Variants in MAF observed in about 807,000 individuals in gnomAD.
The protein encoded by MAF is MAF bZIP transcription factor.
A neutral mutation model predicts 22.0 loss-of-function variants in MAF; 10 were observed. The ratio of observed to expected loss-of-function variants is 0.45; its 90% CI spans 0.28 to 0.77. The LOEUF (loss-of-function observed/expected upper bound fraction) is 0.77. Ranked by LOEUF, MAF falls within the 30% of genes least tolerant of loss-of-function variation. MAF has a pLI of 0.12. For missense variants in MAF, 544 were observed against 548.4 expected (o/e 0.99, Z 0.08); for synonymous variants, 337 against 255.8 (o/e 1.32, Z -3.03).
the MAF span, among the ~76,000 whole-genome samples, chr16:79,553,298 G>A: frequency 7.9e-5 from 12 of 152,222 alleles, no homozygotes; most frequent in Admixed American, 7.9e-4. Context: ...AGAGAAATCT[G>A]CATTCACAGC....
At chr16:79,311,780 C>A in the MAF span, among the ~76,000 whole-genome samples, 5 of 152,288 alleles carry the variant, frequency 3.3e-5, no homozygotes, top group South Asian at 1.0e-3. Context: ...CCTGGCAAAT[C>A]CAGGGCCACT....
chr16:79,502,715 AT>A, the MAF span, among the ~76,000 whole-genome samples: 227 of 41,030 alleles, frequency 5.5e-3, no homozygotes, highest in South Asian at 0.02. Flanking sequence ...ATAAATATAT[AT>A]ATATATATAT....
the MAF span, among the ~76,000 whole-genome samples, chr16:79,370,999 A>G: frequency 6.6e-6 from 1 of 152,204 alleles, no homozygotes; most frequent in Non-Finnish European, 1.5e-5. Flanking sequence ...GTAGCTCTCA[A>G]TTAGTGGATA....
At chr16:79,575,323 G>T in the MAF span, among the ~76,000 whole-genome samples, 1 of 152,128 alleles carries the variant, frequency 6.6e-6, no homozygotes, top group Non-Finnish European at 1.5e-5. Flanking sequence ...CTTGGCTACT[G>T]CTGATTGAAC....
the MAF span, among the ~76,000 whole-genome samples, chr16:79,530,537 T>C: frequency 6.6e-6 from 1 of 152,228 alleles, no homozygotes; most frequent in Non-Finnish European, 1.5e-5. Flanking sequence ...AAGGACATTA[T>C]TCATTTTAAG....
At chr16:79,333,704 T>C in the MAF span, among the ~76,000 whole-genome samples, 2 of 152,234 alleles carry the variant, frequency 1.3e-5, no homozygotes, top group African/African-American at 2.4e-5. Context: ...GATCTAGTGA[T>C]ATCACCACAC....
the MAF span, among the ~76,000 whole-genome samples, chr16:79,337,102 G>T: frequency 1.1e-3 from 161 of 152,270 alleles, no homozygotes; most frequent in African/African-American, 3.7e-3. Flanking sequence ...TGCAATAAGG[G>T]CTAAGGACTG....
At chr16:79,411,009 A>T in the MAF span, among the ~76,000 whole-genome samples, 1 of 152,132 alleles carries the variant, frequency 6.6e-6, no homozygotes, top group Non-Finnish European at 1.5e-5. Context: ...AAATGCCCTC[A>T]CTAGTTCCAT....
At chr16:79,578,521 T>C in the MAF span, among the ~76,000 whole-genome samples, 1 of 152,196 alleles carries the variant, frequency 6.6e-6, no homozygotes, top group African/African-American at 2.4e-5. Flanking sequence ...GCTCTATTCA[T>C]TTCTCATATT....
intron 1 of MAF, chr16:79,595,596 C>T (rs1333451740): frequency 3.4e-5 from 36 of 1,058,708 alleles, no homozygotes; most frequent in Admixed American, 5.4e-5. Context: ...AATAGGTCAG[C>T]GCTTAGGAGT....
At chr16:79,423,597 T>C in the MAF span, among the ~76,000 whole-genome samples, 1 of 152,232 alleles carries the variant, frequency 6.6e-6, no homozygotes, top group East Asian at 1.9e-4. Flanking sequence ...ACATAATGGC[T>C]ATAGCTGTTT....
the MAF span, among the ~76,000 whole-genome samples, chr16:79,251,328 T>TTTG: frequency 6.6e-6 from 1 of 151,054 alleles, no homozygotes; most frequent in Admixed American, 6.6e-5. Context: ...TTTTTTTTTT[T>TTTG]TTTTGAGACG....
the MAF span, among the ~76,000 whole-genome samples, chr16:79,388,417 T>G: frequency 3.3e-5 from 5 of 152,226 alleles, no homozygotes; most frequent in African/African-American, 1.2e-4. Context: ...GGAGGATTCT[T>G]AGAGCAAATG....
At chr16:79,386,489 T>C in the MAF span, among the ~76,000 whole-genome samples, 2 of 151,632 alleles carry the variant, frequency 1.3e-5, no homozygotes, top group South Asian at 4.2e-4. Flanking sequence ...TGATGGGGAG[T>C]GGCTGTAAAC....
chr16:79,350,511 C>T, the MAF span, among the ~76,000 whole-genome samples: 1 of 152,184 alleles, frequency 6.6e-6, no homozygotes, highest in Non-Finnish European at 1.5e-5. Flanking sequence ...CCTTTTCCAG[C>T]CCCCTTTGCA....
the MAF span, among the ~76,000 whole-genome samples, chr16:79,390,885 G>A: frequency 6.6e-6 from 1 of 152,210 alleles, no homozygotes; most frequent in East Asian, 1.9e-4. Flanking sequence ...GTTGGACCAT[G>A]CTGTCTTTCA....
the MAF span, among the ~76,000 whole-genome samples, chr16:79,517,236 G>C: frequency 6.6e-6 from 1 of 152,166 alleles, no homozygotes; most frequent in Non-Finnish European, 1.5e-5. Context: ...AAAGCCCAAA[G>C]ACCAACCATT....
chr16:79,477,109 A>C, the MAF span, among the ~76,000 whole-genome samples: 1 of 152,206 alleles, frequency 6.6e-6, no homozygotes, highest in East Asian at 1.9e-4. Flanking sequence ...CTAGCAAAGC[A>C]ATGGTTGAAA....
chr16:79,410,026 G>C, the MAF span, among the ~76,000 whole-genome samples: 2 of 152,218 alleles, frequency 1.3e-5, no homozygotes, highest in Non-Finnish European at 2.9e-5. Context: ...AGGTACACAA[G>C]ATTGAAAACC....
Sources: gnomAD v4.1 joint callset for allele counts (sites outside exome capture counted in the v4.1 genomes callset) on GRCh38, gnomAD v4.1.1 for gene constraint, MANE v1.5 for transcripts, NCBI Gene and HGNC (gene_info 2026-07-23, HGNC 2026-07-21) for gene names.